The following WASF3 variants were observed in gnomAD, a reference collection of about 807,000 sequenced individuals.
The protein encoded by WASF3 is actin-binding protein WASF3.
In WASF3, 11 loss-of-function variants were observed where a neutral mutation model predicts 46.6. The ratio of observed to expected loss-of-function variants is 0.24; its 90% CI spans 0.15 to 0.39. The LOEUF (loss-of-function observed/expected upper bound fraction) is 0.39. Ranked by LOEUF, WASF3 falls within the 10% of genes least tolerant of loss-of-function variation. The pLI is 1.00. For synonymous variants in WASF3, 242 were observed against 259.7 expected (o/e 0.93, Z 0.65); for missense variants, 576 against 669.8 (o/e 0.86, Z 1.55).
chr13:26,575,997 T>A (rs963135129), intron 1 of WASF3, among the ~76,000 whole-genome samples: 2 of 152,168 alleles, frequency 1.3e-5, no homozygotes, highest in Non-Finnish European at 2.9e-5. Context: ...GAAGTTTTTT[T>A]AGAGTATTAT....
At chr13:26,661,111 C>G (rs926326585) in intron 3 of WASF3, among the ~76,000 whole-genome samples, 3 of 152,218 alleles carry the variant, frequency 2.0e-5, no homozygotes, top group African/African-American at 7.2e-5. Flanking sequence ...TATCATGTCC[C>G]ACCTCCAACA....
chr13:26,550,307 C>T, the WASF3 span, among the ~76,000 whole-genome samples: 2 of 152,144 alleles, frequency 1.3e-5, no homozygotes, highest in African/African-American at 4.8e-5. Context: ...TAGTTCCCCT[C>T]ATAAGCTTTG....
intron 7 of WASF3, chr13:26,680,266 G>A: frequency 1.3e-6 from 2 of 1,494,000 alleles, no homozygotes; most frequent in Non-Finnish European, 8.9e-7. Context: ...CGCCATGAGA[G>A]GATGTACAGC....
At chr13:26,584,604 T>TA (rs1880076811) in intron 1 of WASF3, among the ~76,000 whole-genome samples, 1 of 152,224 alleles carries the variant, frequency 6.6e-6, no homozygotes, top group African/African-American at 2.4e-5. Flanking sequence ...CATTTCTTTG[T>TA]AATTACGAGG....
At chr13:26,651,594 G>A (rs1312964151) in intron 3 of WASF3, among the ~76,000 whole-genome samples, 1 of 152,174 alleles carries the variant, frequency 6.6e-6, no homozygotes, top group African/African-American at 2.4e-5. Flanking sequence ...CAGAGAATTA[G>A]TCCTCCAGCA....
Position 26,687,866 on chromosome 13 carries a change from G to T in WASF3, c.*2021G>T, listed in dbSNP as rs1011892301. On this transcript the variant is annotated 3_prime_UTR_variant, in exon 10 of 10. Coordinates refer to ENST00000335327, the MANE Select transcript of WASF3 (RefSeq NM_006646.6). ...CGTGTGGGTCTAGAACTCCCCTTTG[G>T]TAATGCTTCTTTGTTTTTTTATGGC... The T allele has an allele frequency of 1.3e-5, 2 of 151,944 alleles. No homozygotes were observed. The highest frequency in any genetic ancestry group is 4.8e-5 in the African/African-American group (2 of 41,368). The allele number at this position is 151,944 out of a possible 1,614,324, so 9.4% of individuals were successfully genotyped here. A position where few individuals can be genotyped will look rare whatever the true frequency, so the allele number is the denominator to read the frequency against.
At chr13:26,655,021 C>A (rs1882425996) in intron 3 of WASF3, among the ~76,000 whole-genome samples, 1 of 152,052 alleles carries the variant, frequency 6.6e-6, no homozygotes, top group African/African-American at 2.4e-5. Context: ...TTTAAAAAGA[C>A]CAAAAACAGT....
At chr13:26,559,450 A>C (rs75695435) in intron 1 of WASF3, among the ~76,000 whole-genome samples, 23,320 of 152,228 alleles carry the variant, frequency 0.15, 2,006 homozygotes, top group Admixed American at 0.21. Context: ...GATGTGCTTC[A>C]CTATCTTCAA....
At chr13:26,637,691 C>T (rs891702615) in intron 2 of WASF3, among the ~76,000 whole-genome samples, 2 of 152,238 alleles carry the variant, frequency 1.3e-5, no homozygotes, top group African/African-American at 4.8e-5. Context: ...TGCATTATTG[C>T]CTTGGACATG....
Position 26,557,793 on chromosome 13 carries a change from C to A in WASF3, c.-135C>A. On this transcript the variant is annotated 5_prime_UTR_variant, in exon 1 of 10. Coordinates refer to ENST00000335327, the MANE Select transcript of WASF3 (RefSeq NM_006646.6). Reference sequence around the variant, plus strand: ...GACCATGGAGCTCAGAGCGCAGCCCCGGCGCCGGCGGCGGGACCGCGGACC... The same window carrying A: ...GACCATGGAGCTCAGAGCGCAGCCCAGGCGCCGGCGGCGGGACCGCGGACC... The A allele has an allele frequency of 3.5e-6, 1 of 284,270 alleles. No homozygotes were observed. Among genetic ancestry groups the A allele is most frequent in the Non-Finnish European group, 6.5e-6 (1 of 153,552 alleles). The allele number at this position is 284,270 out of a possible 1,614,324, so 17.6% of individuals were successfully genotyped here.
At chr13:26,654,187 C>T (rs549529065) in intron 3 of WASF3, among the ~76,000 whole-genome samples, 1 of 152,292 alleles carries the variant, frequency 6.6e-6, no homozygotes, top group East Asian at 1.9e-4. Context: ...TTTCTCTGTC[C>T]TCTTCTTCTA....
intron 1 of WASF3, among the ~76,000 whole-genome samples, chr13:26,585,543 GTC>G (rs1018478986): frequency 6.6e-6 from 1 of 152,156 alleles, no homozygotes; most frequent in African/African-American, 2.4e-5. Context: ...CTACCTCATG[GTC>G]TCTTTGACTA....
intron 1 of WASF3, among the ~76,000 whole-genome samples, chr13:26,611,515 GCATAGTTAGCTGGATATAACCATCT>G (rs957422108): frequency 5.9e-5 from 9 of 152,130 alleles, no homozygotes; most frequent in African/African-American, 1.9e-4. Flanking sequence ...TTGTCCTTAG[GCATAGTTAGCTGGATATAACCATCT>G]CTTAAGTGAA....
chr13:26,670,522 T>G (rs983795250), intron 5 of WASF3, among the ~76,000 whole-genome samples: 1 of 152,192 alleles, frequency 6.6e-6, no homozygotes, highest in Non-Finnish European at 1.5e-5. Flanking sequence ...CTGTTTATAT[T>G]CTTGTCAAGG....
intron 3 of WASF3, among the ~76,000 whole-genome samples, chr13:26,643,530 A>C (rs1376495389): frequency 2.0e-5 from 3 of 152,218 alleles, no homozygotes; most frequent in African/African-American, 7.2e-5. Flanking sequence ...CCTGGAATCT[A>C]AGCTCTTATG....
intron 1 of WASF3, among the ~76,000 whole-genome samples, chr13:26,564,460 T>C (rs1459831811): frequency 6.6e-6 from 1 of 152,266 alleles, no homozygotes; most frequent in Non-Finnish European, 1.5e-5. Context: ...GCTTGTTTTC[T>C]AGCAGTTGAA....
Position 26,681,265 on chromosome 13 carries a change from C to T in WASF3, c.928C>T (p.Pro310Ser). 1 of 1,613,402 alleles carries T rather than the reference C, an allele frequency of 6.2e-7. No individual in the cohort carries two copies. The highest frequency in any genetic ancestry group is 1.1e-5 in the South Asian group (1 of 90,958). The stretch of plus-strand genomic sequence containing the variant: ...TCAGCAGCCGCCCCCCCCGCCTCCC[C>T]CTCAGGCCCCAGAGGGGTCCCAGGC... ...RPQQPPPPPP[P>S]QAPEGSQASA... The change falls in exon 8 of 10, where the codon CCT becomes TCT. Residue 310 changes from proline (P) to serine (S), a missense_variant. Pro to Ser is a moderately conservative substitution (Grantham distance 74). This residue lies in a region of WASF3 where 295 missense variants were observed against 291.5 expected (regional missense o/e 1.01). Coordinates refer to ENST00000335327, the MANE Select transcript of WASF3 (RefSeq NM_006646.6).
intron 2 of WASF3, among the ~76,000 whole-genome samples, chr13:26,633,609 C>T (rs968693079): frequency 2.6e-5 from 4 of 152,190 alleles, no homozygotes; most frequent in Non-Finnish European, 4.4e-5. Flanking sequence ...ATCTTTCCTG[C>T]TTTCTCTTGT....
chr13:26,675,705 T>C (rs1326613123), intron 6 of WASF3, among the ~76,000 whole-genome samples: 1 of 139,284 alleles, frequency 7.2e-6, no homozygotes, highest in Non-Finnish European at 1.6e-5. Flanking sequence ...CCTGGCGCAG[T>C]ACCTCGGGCA....
Sources: gnomAD v4.1 joint callset for allele counts (sites outside exome capture counted in the v4.1 genomes callset) on GRCh38, gnomAD v4.1.1 for gene constraint, gnomAD v4.1.1 regional missense constraint, MANE v1.5 for transcripts, NCBI Gene and HGNC (gene_info 2026-07-23, HGNC 2026-07-21) for gene names.